The following ADGRD1 variants were observed in gnomAD, a reference collection of about 807,000 sequenced individuals.
ADGRD1 encodes the protein G-protein coupled receptor 133.
A neutral mutation model predicts 113.4 loss-of-function variants in ADGRD1; 77 were observed. That is an observed-to-expected ratio of 0.68 (90% CI 0.57 to 0.82). The LOEUF is 0.82. Ranked by LOEUF, ADGRD1 falls within the 40% of genes least tolerant of loss-of-function variation. The pLI is 0.00. For synonymous variants in ADGRD1, 474 were observed against 475.0 expected (o/e 1.00, Z 0.03); for missense variants, 1,036 against 1,139.1 (o/e 0.91, Z 1.30).
chr12:130,965,634 G>A lies in ADGRD1; in HGVS notation c.104-829G>A, dbSNP rs2136502568. Among the ~76,000 whole-genome samples, 2 of 152,304 alleles carry A rather than the reference G, an allele frequency of 1.3e-5. No homozygotes were observed. The highest frequency in any genetic ancestry group is 4.1e-4 in the South Asian group (2 of 4,820). On this transcript the variant is annotated intron_variant, in intron 2 of 24. Coordinates refer to ENST00000261654, the MANE Select transcript of ADGRD1 (RefSeq NM_198827.5). This position sits in a 1 kb window ranked among gnomAD's most constrained non-coding sequence, Gnocchi z 4.8. ...CATTAACAGAAGAATGGCATAACAT[G>A]TTATGGGGCAGCCACTCAAGAGACT...
At chr12:131,049,592 A>G (rs1294456475) in intron 13 of ADGRD1, among the ~76,000 whole-genome samples, 1 of 152,126 alleles carries the variant, frequency 6.6e-6, no homozygotes, top group Admixed American at 6.5e-5. Flanking sequence ...CAGTGACCTC[A>G]TGACTTGTCT....
At chr12:130,974,785 G>A (rs1376180737) in intron 4 of ADGRD1, among the ~76,000 whole-genome samples, 1 of 151,872 alleles carries the variant, frequency 6.6e-6, no homozygotes, top group Non-Finnish European at 1.5e-5. Flanking sequence ...GCCCATAGAA[G>A]GCAGAGGTCC....
intron 5 of ADGRD1, among the ~76,000 whole-genome samples, chr12:130,982,793 G>A (rs1873175242): frequency 6.6e-6 from 1 of 152,154 alleles, no homozygotes; most frequent in Admixed American, 6.5e-5. Flanking sequence ...AGGCTGCAGA[G>A]GCTGACGAAG....
chr12:131,032,168 CCCAGGCTCTA>C (rs61256534), intron 13 of ADGRD1, among the ~76,000 whole-genome samples: 16,688 of 152,248 alleles, frequency 0.11, 1,255 homozygotes, highest in Non-Finnish European at 0.16. Flanking sequence ...ACAGGGCTCC[CCCAGGCTCTA>C]CTGAAGCCCT....
intron 20 of ADGRD1, among the ~76,000 whole-genome samples, chr12:131,126,502 G>T (rs1950740612): frequency 6.6e-6 from 1 of 152,208 alleles, no homozygotes. Context: ...TTGTATGTGT[G>T]TATGTACCTG....
intron 15 of ADGRD1, among the ~76,000 whole-genome samples, chr12:131,101,576 C>G (rs899210280): frequency 2.0e-5 from 3 of 151,546 alleles, no homozygotes; most frequent in African/African-American, 7.3e-5. Context: ...TTAGGAGAGA[C>G]GGGATTTCAC....
rs1874344849 is a variant in ADGRD1, at chr12:130,991,230, T to G, written c.810+152T>G. Reference sequence around the variant, plus strand: ...AATAACAAATGGAGGGGAAGCCAACTGCAGTACTAATTCTTGGTGCTAAGA... The same window carrying G: ...AATAACAAATGGAGGGGAAGCCAACGGCAGTACTAATTCTTGGTGCTAAGA... On this transcript the variant is annotated intron_variant, in intron 7 of 24. Transcript: ENST00000261654. 5 of 606,684 alleles carry G rather than the reference T, an allele frequency of 8.2e-6. No individual in the cohort carries two copies. The East Asian group carries it at 1.4e-4, about 18-fold the overall frequency. The allele number at this position is 606,684 out of a possible 1,614,324, so 37.6% of individuals were successfully genotyped here.
At position 131,047,693 on chromosome 12, in the gene ADGRD1, G is replaced by A. The variant is rs552469094; in HGVS notation, c.1474-29108G>A. Among the ~76,000 whole-genome samples, 39 of 152,326 alleles carry A rather than the reference G, an allele frequency of 2.6e-4. 1 individual carries two copies. The highest frequency in any genetic ancestry group is 8.7e-4 in the African/African-American group (36 of 41,568). ...CCATTGTCAGTGCCAGGGACGTCAC[G>A]ACTGTGCGTGGCTCTGGGGGTTGGG... is the stretch of plus-strand genomic sequence containing the variant. On this transcript the variant is annotated intron_variant, in intron 13 of 24. Coordinates refer to ENST00000261654, the MANE Select transcript of ADGRD1 (RefSeq NM_198827.5).
At chr12:131,102,950 C>T (rs1030831294) in intron 15 of ADGRD1, among the ~76,000 whole-genome samples, 4 of 152,224 alleles carry the variant, frequency 2.6e-5, no homozygotes, top group Non-Finnish European at 5.9e-5. Flanking sequence ...TCAAAGTTCC[C>T]TCTCATCCTC....
intron 8 of ADGRD1, among the ~76,000 whole-genome samples, chr12:130,994,912 G>A (rs2136674451): frequency 6.6e-6 from 1 of 152,332 alleles, no homozygotes; most frequent in Admixed American, 6.5e-5. Context: ...TGGTCCTAAA[G>A]GTCACTCCTC....
chr12:131,086,141 A>G (rs1188773551), intron 15 of ADGRD1, among the ~76,000 whole-genome samples: 2 of 152,162 alleles, frequency 1.3e-5, no homozygotes, highest in African/African-American at 4.8e-5. Context: ...GGACAGGCAG[A>G]ATCTACCTGA....
intron 8 of ADGRD1, among the ~76,000 whole-genome samples, chr12:130,999,667 T>C (rs572896951): frequency 6.6e-6 from 1 of 152,242 alleles, no homozygotes; most frequent in South Asian, 2.1e-4. Context: ...GAAACGGACA[T>C]GAGCGTATGA....
At chr12:131,132,659 A>G (rs1368717551) in intron 21 of ADGRD1, among the ~76,000 whole-genome samples, 6 of 152,144 alleles carry the variant, frequency 3.9e-5, no homozygotes, top group Non-Finnish European at 5.9e-5. Context: ...GCTGAGACGG[A>G]GGCCTGCGCC....
chr12:131,120,744 C>T, intron 19 of ADGRD1, 103 bp from the exon 20 acceptor site: 1 of 1,083,814 alleles, frequency 9.2e-7, no homozygotes, highest in South Asian at 1.2e-5. Context: ...CCAGGTGGAC[C>T]CTGTAGCTGA....
At chr12:131,013,538 C>T (rs1473081432) in intron 12 of ADGRD1, among the ~76,000 whole-genome samples, 1 of 152,112 alleles carries the variant, frequency 6.6e-6, no homozygotes, top group Non-Finnish European at 1.5e-5. Context: ...CTAAATGGTC[C>T]CCATGGCCTG....
At chr12:131,086,450 G>A (rs564920328) in intron 15 of ADGRD1, among the ~76,000 whole-genome samples, 23 of 152,284 alleles carry the variant, frequency 1.5e-4, no homozygotes, top group South Asian at 2.1e-4. Context: ...CAGCCCAGGC[G>A]CCCCTCGCTC....
chr12:130,995,301 C>T (rs375030282), intron 8 of ADGRD1, among the ~76,000 whole-genome samples: 5 of 152,122 alleles, frequency 3.3e-5, no homozygotes, highest in African/African-American at 9.7e-5. Flanking sequence ...GTGGGGATGG[C>T]GTATGCGCAG....
intron 13 of ADGRD1, among the ~76,000 whole-genome samples, chr12:131,065,424 T>C (rs1838128434): frequency 1.3e-5 from 2 of 152,236 alleles, no homozygotes; most frequent in South Asian, 4.1e-4. Flanking sequence ...CTGGAGCCGC[T>C]GACCAAGGCT....
At chr12:130,990,349 A>C (rs138399327) in intron 6 of ADGRD1, 1 of 152,270 alleles carries the variant, frequency 6.6e-6, no homozygotes, top group Non-Finnish European at 1.5e-5. Context: ...ATGAAGTAGA[A>C]TATCTGGTTA....
Sources: allele counts gnomAD v4.1 joint callset (sites outside exome capture counted in the v4.1 genomes callset), GRCh38; gene constraint gnomAD v4.1.1; non-coding constraint Gnocchi (gnomAD v3.1); transcripts MANE v1.5; gene names NCBI Gene and HGNC (gene_info 2026-07-23, HGNC 2026-07-21).